Variants in HERC2 observed in about 807,000 individuals in gnomAD.
HERC2 encodes HECT and RLD domain containing E3 ubiquitin protein ligase 2.
Under a neutral mutation model 537.7 loss-of-function variants are expected in HERC2, and 102 were observed. That is an observed-to-expected ratio of 0.19 (90% CI 0.16 to 0.22). HERC2 has a LOEUF of 0.22. Ranked by LOEUF, HERC2 falls within the 10% of genes least tolerant of loss-of-function variation. The probability of loss-of-function intolerance (pLI) is 1.00; values close to 1 mark genes in which losing one functional copy is unlikely to be tolerated. For synonymous variants in HERC2, 2,224 were observed against 2,466.2 expected (o/e 0.90, Z 2.91); for missense variants, 4,236 against 6,198.2 (o/e 0.68, Z 10.63).
Position 28,274,234 on chromosome 15 carries a change from C to T in HERC2, c.800+57G>A, listed in dbSNP as rs1596367714. ...AGCTCTAAAGCAAGGGTGGTAAGAA[C>T]CAGCCTCAAGCAGGCCAGCTGTCTG... On this transcript the variant is annotated intron_variant, in intron 7 of 92. Coordinates refer to ENST00000261609, the MANE Select transcript of HERC2 (RefSeq NM_004667.6). The T allele has an allele frequency of 2.5e-6, 4 of 1,584,798 alleles. No individual in the cohort carries two copies. The African/African-American group carries it at 4.0e-5, about 16-fold the overall frequency.
At chr15:28,272,513 C>A in intron 8 of HERC2, 127 bp from the exon 9 acceptor site, 1 of 860,146 alleles carries the variant, frequency 1.2e-6, no homozygotes, top group Non-Finnish European at 1.8e-6. Context: ...GGAAACTAAA[C>A]TAAAGCCGTG....
Position 28,232,339 on chromosome 15 carries a change from A to C in HERC2, c.4675+807T>G, listed in dbSNP as rs191993981. ...AGGCAGATCACGAGGTCAGGAGATCAAGACCATCTTGGCCAACATGGTGAA... is the reference window on the plus strand; with the variant it reads ...AGGCAGATCACGAGGTCAGGAGATCCAGACCATCTTGGCCAACATGGTGAA... On this transcript the variant is annotated intron_variant, in intron 30 of 92. Transcript: ENST00000261609. 4.9e-3 allele frequency among the ~76,000 whole-genome samples: 750 copies of C among 152,124 alleles called. 7 individuals carry two copies. Among genetic ancestry groups the C allele is most frequent in the African/African-American group, 0.017 (706 of 41,500 alleles).
chr15:28,309,523 C>G (rs1191739895), intron 2 of HERC2, among the ~76,000 whole-genome samples: 4 of 152,084 alleles, frequency 2.6e-5, no homozygotes, highest in African/African-American at 4.8e-5. Context: ...TTTTCCATCC[C>G]CCCGCACCGT....
At chr15:28,206,628 T>C (rs993125976) in intron 44 of HERC2, among the ~76,000 whole-genome samples, 1 of 151,592 alleles carries the variant, frequency 6.6e-6, no homozygotes, top group Non-Finnish European at 1.5e-5. Flanking sequence ...GGTCAGGATA[T>C]CAAGACCATC....
intron 4 of HERC2, among the ~76,000 whole-genome samples, chr15:28,291,909 G>GAA (rs67813649): frequency 1.6e-4 from 6 of 37,940 alleles, no homozygotes; most frequent in South Asian, 1.3e-3. Context: ...CGTCTCAAAG[G>GAA]AAAAAAAAAA....
intron 44 of HERC2, among the ~76,000 whole-genome samples, chr15:28,208,225 C>T (rs1294839376): frequency 6.6e-5 from 10 of 152,164 alleles, no homozygotes; most frequent in Non-Finnish European, 1.2e-4. Context: ...AAGAAACAAA[C>T]CCACATACTC....
chr15:28,273,086 C>T, intron 7 of HERC2, 82 bp from the exon 8 acceptor site: 1 of 933,094 alleles, frequency 1.1e-6, no homozygotes, highest in Non-Finnish European at 1.7e-6. Flanking sequence ...ACATTTACTA[C>T]ACGCTCCCTC....
rs574927195 is a variant in HERC2, at chr15:28,113,521, G to C, written c.14019+52C>G. 8 of 1,475,972 alleles carry C rather than the reference G, an allele frequency of 5.4e-6. No individual in the cohort carries two copies. The highest frequency in any genetic ancestry group is 6.6e-6 in the Non-Finnish European group (7 of 1,055,246). The allele number at this position is 1,475,972 out of a possible 1,614,324, so 91.4% of individuals were successfully genotyped here. On this transcript the variant is annotated intron_variant, in intron 91 of 92. Coordinates refer to ENST00000261609, the MANE Select transcript of HERC2 (RefSeq NM_004667.6). This position sits in a 1 kb window ranked among gnomAD's most constrained non-coding sequence, Gnocchi z 7.0. ...TCTAACTGCTGTCACTGATTTGTGGGTCAGCAGGCAAAAGGCAGCTGCAGG... is the reference window on the plus strand; with the variant it reads ...TCTAACTGCTGTCACTGATTTGTGGCTCAGCAGGCAAAAGGCAGCTGCAGG...
intron 69 of HERC2, among the ~76,000 whole-genome samples, chr15:28,157,748 T>C (rs926287537): frequency 1.3e-5 from 2 of 152,352 alleles, no homozygotes; most frequent in African/African-American, 4.8e-5. Flanking sequence ...CCTTTAGTTC[T>C]GCTCTGATCT....
chr15:28,296,397 G>C (rs1247441430), intron 3 of HERC2, among the ~76,000 whole-genome samples: 1 of 151,992 alleles, frequency 6.6e-6, no homozygotes, highest in Non-Finnish European at 1.5e-5. Context: ...TGCTTGAACC[G>C]GGGAGGCAGT....
rs1279763838 is a variant in HERC2 at position 28,111,936 on chromosome 15, C to T, written c.14332G>A (p.Glu4778Lys). Residue 4778 changes from glutamate to lysine, a missense_variant, in exon 93 of 93, where the codon GAG becomes AAG. Physicochemically the swap from Glu to Lys is moderately conservative, Grantham distance 56. This residue lies in a region of HERC2 where 313 missense variants were observed against 462.6 expected (regional missense o/e 0.68). Coordinates refer to ENST00000261609, the MANE Select transcript of HERC2 (RefSeq NM_004667.6). The part of the protein sequence containing the change: ...LPRYSCKQVL[E>K]EKLKYAIHFC... Reference sequence around the variant, plus strand: ...TGGATGGCGTACTTGAGCTTCTCCTCCAGCACCTGCTTGCAGGAATACCTG... The same window carrying T: ...TGGATGGCGTACTTGAGCTTCTCCTTCAGCACCTGCTTGCAGGAATACCTG... The T allele has an allele frequency of 6.2e-7, 1 of 1,614,160 alleles. No homozygotes were observed. The highest frequency in any genetic ancestry group is 1.1e-5 in the South Asian group (1 of 91,072).
chr15:28,204,295 A>G (rs1458047475), intron 45 of HERC2, among the ~76,000 whole-genome samples: 1 of 152,216 alleles, frequency 6.6e-6, no homozygotes, highest in Non-Finnish European at 1.5e-5. Context: ...AATTCAACAT[A>G]ACTATCAGAA....
At chr15:28,287,088 A>G (rs1442242719) in intron 4 of HERC2, among the ~76,000 whole-genome samples, 2 of 152,200 alleles carry the variant, frequency 1.3e-5, no homozygotes, top group Admixed American at 6.5e-5. Flanking sequence ...AATTTTTTTC[A>G]TAATAAAACG....
chr15:28,114,654 A>G lies in HERC2; in HGVS notation c.13871T>C (p.Leu4624Pro). Residue 4624 changes from leucine to proline, a missense_variant, in exon 90 of 93, where the codon CTG (leucine) becomes CCG (proline). Coordinates refer to ENST00000261609, the MANE Select transcript of HERC2 (RefSeq NM_004667.6). The part of the protein sequence containing the change: ...QLSSKHTHIT[L>P]DNRAEYVRLA... Reference sequence around the variant, plus strand: ...CCGCACGTACTCCGCGCGGTTGTCCAGGGTGATGTGTGTGTGCTTGGAGCT... The same window carrying G: ...CCGCACGTACTCCGCGCGGTTGTCCGGGGTGATGTGTGTGTGCTTGGAGCT... 2 of 1,614,088 alleles carry G rather than the reference A, an allele frequency of 1.2e-6. No individual in the cohort carries two copies. The highest frequency in any genetic ancestry group is 1.1e-5 in the South Asian group (1 of 91,072).
chr15:28,189,927 A>G (rs1896669105), intron 55 of HERC2, among the ~76,000 whole-genome samples: 1 of 152,178 alleles, frequency 6.6e-6, no homozygotes, highest in Non-Finnish European at 1.5e-5. Flanking sequence ...CAACTATTTG[A>G]TATTTTTATC....
At chr15:28,161,007 C>G (rs1346930462) in intron 69 of HERC2, among the ~76,000 whole-genome samples, 1 of 152,096 alleles carries the variant, frequency 6.6e-6, no homozygotes, top group Admixed American at 6.5e-5. Flanking sequence ...TAGAATTATG[C>G]CAAGTAACTT....
intron 26 of HERC2, among the ~76,000 whole-genome samples, chr15:28,235,104 G>C (rs531810114): frequency 6.6e-6 from 1 of 152,026 alleles, no homozygotes; most frequent in African/African-American, 2.4e-5. Context: ...ATCAAATACT[G>C]CTCCAAATCC....
rs372902013 is a variant in HERC2 at position 28,218,528 on chromosome 15, G to C, written c.5989C>G (p.Leu1997Val). The change falls in exon 38 of 93, where the codon CTG becomes GTG. Residue 1997 changes from leucine to valine, a missense_variant. Coordinates refer to ENST00000261609, the MANE Select transcript of HERC2 (RefSeq NM_004667.6). ...GTTCCGCTTTCCACTAACATTCGCA[G>C]CAGTCCGCATAAAGTCTTGGTGGCT... ...SEATKTLCGLLRMLVESGTTD... is the reference protein window; with the variant it reads ...SEATKTLCGLVRMLVESGTTD... 39 of 1,596,984 alleles carry C rather than the reference G, an allele frequency of 2.4e-5. No individual in the cohort carries two copies. The African/African-American group carries it at 4.8e-4, about 20-fold the overall frequency.
At chr15:28,192,804 G>A (rs1161898253) in intron 52 of HERC2, among the ~76,000 whole-genome samples, 2 of 152,158 alleles carry the variant, frequency 1.3e-5, no homozygotes, top group African/African-American at 4.8e-5. Flanking sequence ...TGAAGGGAAG[G>A]GAAAGGAATG....
Sources: allele counts gnomAD v4.1 joint callset (sites outside exome capture counted in the v4.1 genomes callset), GRCh38; gene constraint gnomAD v4.1.1; regional missense constraint gnomAD v4.1.1; non-coding constraint Gnocchi (gnomAD v3.1); transcripts MANE v1.5; gene names NCBI Gene and HGNC (gene_info 2026-07-23, HGNC 2026-07-21).